Variants in TANC2 observed in about 807,000 individuals in gnomAD.
The protein encoded by TANC2 is tetratricopeptide repeat, ankyrin repeat and coiled-coil containing 2, also known as protein TANC2.
TANC2 carries 26 observed loss-of-function variants against 210.5 expected under a neutral mutation model. That is an observed-to-expected ratio of 0.12 (90% CI 0.09 to 0.17). The LOEUF is 0.17. TANC2 is among the 10% of genes least tolerant of loss of function. The pLI is 1.00. For missense variants in TANC2, 2,129 were observed against 2,608.9 expected (o/e 0.82, Z 4.01); for synonymous variants, 931 against 967.1 (o/e 0.96, Z 0.69).
intron 10 of TANC2, among the ~76,000 whole-genome samples, chr17:63,315,166 G>A (rs528407916): frequency 6.6e-6 from 1 of 152,292 alleles, no homozygotes; most frequent in South Asian, 2.1e-4. Context: ...GCTCTCATAT[G>A]TATTCAGGCT....
chr17:63,087,857 C>G lies in TANC2; in HGVS notation c.140-11318C>G, dbSNP rs527474887. Among the ~76,000 whole-genome samples the G allele has an allele frequency of 3.3e-5, 5 of 152,324 alleles. No homozygotes were observed. The East Asian group carries it at 9.7e-4, about 29-fold the overall frequency. ...CTGCATTCTCTATAGTCACCTGTCT[C>G]TCTCCAACTTTGGCACAGCAGTTTA... On this transcript the variant is annotated intron_variant, in intron 3 of 27. Transcript: ENST00000689528.
chr17:63,273,545 TTAGTACTGTAAA>T (rs2043783664), intron 9 of TANC2, among the ~76,000 whole-genome samples: 1 of 152,152 alleles, frequency 6.6e-6, no homozygotes, highest in South Asian at 2.1e-4. Context: ...AAATAACCTC[TTAGTACTGTAAA>T]TATAGTTTTG....
chr17:63,257,250 C>T (rs946129497), intron 8 of TANC2, among the ~76,000 whole-genome samples: 15 of 151,652 alleles, frequency 9.9e-5, no homozygotes, highest in African/African-American at 2.2e-4. Context: ...TTGTTGTGAA[C>T]GTGATTTTTT....
intron 2 of TANC2, among the ~76,000 whole-genome samples, chr17:63,015,989 G>C (rs1309668368): frequency 6.6e-6 from 1 of 151,848 alleles, no homozygotes; most frequent in Non-Finnish European, 1.5e-5. Flanking sequence ...GTGGGGGTGG[G>C]GAGATACTGG....
intron 8 of TANC2, among the ~76,000 whole-genome samples, chr17:63,241,612 C>A (rs1197004237): frequency 6.6e-6 from 1 of 152,132 alleles, no homozygotes; most frequent in Non-Finnish European, 1.5e-5. Context: ...ATTGTAGTGG[C>A]CTACAAAGCC....
intron 1 of TANC2, among the ~76,000 whole-genome samples, chr17:63,004,358 A>C (rs2033517688): frequency 6.6e-6 from 1 of 152,216 alleles, no homozygotes; most frequent in Non-Finnish European, 1.5e-5. Context: ...AAGGGAGAAG[A>C]GGACGTAAGA....
At chr17:63,306,790 CAA>C in intron 9 of TANC2, among the ~76,000 whole-genome samples, 1 of 152,096 alleles carries the variant, frequency 6.6e-6, no homozygotes, top group Non-Finnish European at 1.5e-5. Flanking sequence ...CATTTCTACA[CAA>C]AGTTTTTTAA....
intron 15 of TANC2, among the ~76,000 whole-genome samples, chr17:63,382,300 C>T (rs2047638758): frequency 6.6e-6 from 1 of 152,148 alleles, no homozygotes; most frequent in African/African-American, 2.4e-5. Flanking sequence ...TACTCAGCTC[C>T]TTTTCCCATT....
At chr17:63,374,814 G>A (rs1297292286) in intron 14 of TANC2, among the ~76,000 whole-genome samples, 1 of 152,010 alleles carries the variant, frequency 6.6e-6, no homozygotes, top group Admixed American at 6.6e-5. Context: ...TATATCAGAG[G>A]GAAAATAAAA....
At chr17:63,018,754 T>C (rs2034222728) in intron 2 of TANC2, among the ~76,000 whole-genome samples, 2 of 152,184 alleles carry the variant, frequency 1.3e-5, no homozygotes, top group Admixed American at 1.3e-4. Flanking sequence ...TAACTGCTAA[T>C]CCATTTGAAA....
At chr17:63,055,980 AAAAAAAAAAAATAT>A (rs1296436936) in intron 2 of TANC2, among the ~76,000 whole-genome samples, 18 of 26,642 alleles carry the variant, frequency 6.8e-4, no homozygotes, top group East Asian at 1.6e-3. Flanking sequence ...AAAAAAAAAA[AAAAAAAAAAAATAT>A]ATATATATAT....
intron 9 of TANC2, among the ~76,000 whole-genome samples, chr17:63,288,484 T>C (rs2044290280): frequency 6.6e-6 from 1 of 152,264 alleles, no homozygotes; most frequent in Non-Finnish European, 1.5e-5. Context: ...GAAAAGAATG[T>C]GCATTCTGCC....
chr17:63,426,855 A>G (rs1488722520), exon 28 of TANC2: 2 of 152,184 alleles, frequency 1.3e-5, no homozygotes, highest in Non-Finnish European at 2.9e-5. Flanking sequence ...CTAATCGCTA[A>G]CCAGAAAGTC....
chr17:63,154,441 C>G (rs2039766689), intron 5 of TANC2: 1 of 151,982 alleles, frequency 6.6e-6, no homozygotes, highest in Admixed American at 6.6e-5. Flanking sequence ...AAAAGGGTAA[C>G]CAACTGTTAG....
chr17:63,406,937 T>G (rs1232643863), intron 21 of TANC2, among the ~76,000 whole-genome samples: 1 of 152,316 alleles, frequency 6.6e-6, no homozygotes, highest in Non-Finnish European at 1.5e-5. Context: ...CTAGTGGAGC[T>G]TGAGCATTTA....
intron 9 of TANC2, among the ~76,000 whole-genome samples, chr17:63,297,593 A>G (rs2044575067): frequency 6.6e-6 from 1 of 152,166 alleles, no homozygotes; most frequent in Non-Finnish European, 1.5e-5. Flanking sequence ...AAGAGCTCCA[A>G]CTGTAAGACT....
chr17:62,985,884 AATT>A (rs2032541806), intron 1 of TANC2, among the ~76,000 whole-genome samples: 1 of 151,860 alleles, frequency 6.6e-6, no homozygotes, highest in African/African-American at 2.4e-5. Context: ...GTTACTGGAG[AATT>A]ATTATATTTC....
At chr17:63,285,375 T>G (rs1202512763) in intron 9 of TANC2, among the ~76,000 whole-genome samples, 1 of 152,190 alleles carries the variant, frequency 6.6e-6, no homozygotes, top group East Asian at 1.9e-4. Context: ...CTGTACTCTT[T>G]GTTATTGTTT....
intron 9 of TANC2, among the ~76,000 whole-genome samples, chr17:63,299,688 T>C (rs953739783): frequency 1.3e-5 from 2 of 152,210 alleles, no homozygotes; most frequent in Non-Finnish European, 2.9e-5. Context: ...ATTAGACTTT[T>C]GTCAGATGGA....
Sources: gnomAD v4.1 joint callset for allele counts (sites outside exome capture counted in the v4.1 genomes callset) on GRCh38, gnomAD v4.1.1 for gene constraint, MANE v1.5 for transcripts, NCBI Gene and HGNC (gene_info 2026-07-23, HGNC 2026-07-21) for gene names.